Variants in IL1RAPL2 observed in about 807,000 individuals in gnomAD.
The protein encoded by IL1RAPL2 is X-linked interleukin-1 receptor accessory protein-like 2.
IL1RAPL2 carries 3 observed loss-of-function variants against 44.1 expected under a neutral mutation model. The ratio of observed to expected loss-of-function variants is 0.07; its 90% CI spans 0.03 to 0.18. The LOEUF (loss-of-function observed/expected upper bound fraction) is 0.18. Ranked by LOEUF, IL1RAPL2 falls within the 10% of genes least tolerant of loss-of-function variation. The probability of loss-of-function intolerance (pLI) is 1.00; values close to 1 mark genes in which losing one functional copy is unlikely to be tolerated. For synonymous variants in IL1RAPL2, 181 were observed against 178.8 expected (o/e 1.01, Z -0.10); for missense variants, 391 against 496.4 (o/e 0.79, Z 2.02).
intron 5 of IL1RAPL2, among the ~76,000 whole-genome samples, chrX:105,285,551 C>A (rs1313631825): frequency 2.7e-5 from 3 of 111,586 alleles, no homozygotes; most frequent in African/African-American, 9.8e-5. Context: ...AGCATACAGT[C>A]TGATTCCCCT....
intron 6 of IL1RAPL2, among the ~76,000 whole-genome samples, chrX:105,505,120 C>T (rs999073372): frequency 9.0e-6 from 1 of 111,056 alleles, no homozygotes; most frequent in Non-Finnish European, 1.9e-5. Context: ...CCCTCATGTC[C>T]ACAAATATGG....
At chrX:104,705,744 T>C (rs1048780755) in intron 2 of IL1RAPL2, among the ~76,000 whole-genome samples, 2 of 111,310 alleles carry the variant, frequency 1.8e-5, no homozygotes, top group African/African-American at 6.5e-5. Flanking sequence ...GGGAAATCTT[T>C]TTGAGTATGG....
At chrX:105,150,347 C>T (rs1260638856) in intron 2 of IL1RAPL2, among the ~76,000 whole-genome samples, 1 of 111,952 alleles carries the variant, frequency 8.9e-6, no homozygotes, top group Admixed American at 9.5e-5. Flanking sequence ...CTAGTTTCAG[C>T]TACATCTGTT....
At chrX:104,815,382 A>T (rs1921105078) in intron 2 of IL1RAPL2, among the ~76,000 whole-genome samples, 1 of 110,864 alleles carries the variant, frequency 9.0e-6, no homozygotes, top group South Asian at 3.9e-4. Context: ...CACCTTCTTG[A>T]GGGTGCCTGA....
chrX:105,354,772 T>C (rs972874539), intron 5 of IL1RAPL2, among the ~76,000 whole-genome samples: 21 of 111,749 alleles, frequency 1.9e-4, no homozygotes, highest in Admixed American at 1.8e-3. Context: ...AAGTGCTGAC[T>C]CTATTACCAT....
At chrX:105,469,766 A>G (rs1767269027) in intron 5 of IL1RAPL2, among the ~76,000 whole-genome samples, 1 of 111,207 alleles carries the variant, frequency 9.0e-6, no homozygotes, top group Admixed American at 9.6e-5. Context: ...AATCTTGGGT[A>G]GGTCACCTAA....
chrX:105,267,400 A>G lies in IL1RAPL2; in HGVS notation c.556A>G (p.Lys186Glu), dbSNP rs1338493416. 9 of 1,197,296 alleles carry G rather than the reference A, an allele frequency of 7.5e-6. No individual in the cohort carries two copies. Among genetic ancestry groups the G allele is most frequent in the Non-Finnish European group, 1.0e-5 (9 of 891,128 alleles). The change falls in exon 5 of 11, where the codon AAA becomes GAA. Residue 186 changes from lysine to glutamate, a missense_variant. Lys to Glu is a moderately conservative substitution (Grantham distance 56). Around this residue, in one of 2 missense-constraint regions of IL1RAPL2, gnomAD observed 159 missense variants for 251.7 expected, o/e 0.63. Transcript: ENST00000372582. Reference protein sequence around the residue: ...DVVWYKECKPKMWRSIIIQKG... With the variant: ...DVVWYKECKPEMWRSIIIQKG... ...ATTTTATCTGCAGGAATGCAAGCCA[A>G]AAATGTGGAGAAGCATAATAATACA...
chrX:105,559,787 T>G, intron 6 of IL1RAPL2, among the ~76,000 whole-genome samples: 1 of 111,704 alleles, frequency 9.0e-6, no homozygotes. Flanking sequence ...CACGATCTTT[T>G]TAGGTTTCAC....
At chrX:104,716,007 G>A (rs1329137702) in intron 2 of IL1RAPL2, among the ~76,000 whole-genome samples, 2 of 111,413 alleles carry the variant, frequency 1.8e-5, no homozygotes, top group Admixed American at 1.9e-4. Context: ...AGCAAAGCTA[G>A]AAGCATCACA....
intron 5 of IL1RAPL2, among the ~76,000 whole-genome samples, chrX:105,470,634 G>A (rs1244263684): frequency 1.8e-5 from 2 of 111,886 alleles, no homozygotes; most frequent in Non-Finnish European, 3.8e-5. Flanking sequence ...AGTGACTTAT[G>A]CTGAGTGTAT....
At chrX:104,758,936 C>T (rs1243763991) in intron 2 of IL1RAPL2, among the ~76,000 whole-genome samples, 2 of 111,757 alleles carry the variant, frequency 1.8e-5, no homozygotes, top group South Asian at 3.7e-4. Context: ...TGAATTTTGG[C>T]GATTTTTGAA....
At chrX:105,424,596 G>C (rs1208148701) in intron 5 of IL1RAPL2, among the ~76,000 whole-genome samples, 1 of 108,662 alleles carries the variant, frequency 9.2e-6, no homozygotes, top group African/African-American at 3.4e-5. Context: ...CTGGGGATGG[G>C]GGTACTGTGG....
At chrX:105,641,348 C>T (rs1602499329) in intron 6 of IL1RAPL2, among the ~76,000 whole-genome samples, 2 of 111,361 alleles carry the variant, frequency 1.8e-5, no homozygotes, top group East Asian at 2.8e-4. Flanking sequence ...GTAAGGGGTA[C>T]AGAGAAGAAT....
intron 2 of IL1RAPL2, among the ~76,000 whole-genome samples, chrX:104,662,037 C>A (rs1427214186): frequency 8.9e-6 from 1 of 112,215 alleles, no homozygotes; most frequent in Non-Finnish European, 1.9e-5. Context: ...ATGCACAAGA[C>A]AGAGAGAGGA....
intron 5 of IL1RAPL2, among the ~76,000 whole-genome samples, chrX:105,410,061 T>C (rs2035683628): frequency 9.0e-6 from 1 of 110,588 alleles, no homozygotes; most frequent in African/African-American, 3.3e-5. Context: ...TTAATTAAGA[T>C]AGCGGAAGAC....
At chrX:105,627,125 G>A (rs900701012) in intron 6 of IL1RAPL2, among the ~76,000 whole-genome samples, 2 of 111,715 alleles carry the variant, frequency 1.8e-5, no homozygotes, top group African/African-American at 6.5e-5. Flanking sequence ...AGCTTACATG[G>A]CCTTTGGAAA....
intron 2 of IL1RAPL2, among the ~76,000 whole-genome samples, chrX:105,051,632 C>T (rs1201110211): frequency 4.4e-5 from 5 of 112,985 alleles, no homozygotes; most frequent in East Asian, 2.8e-4. Context: ...ACGGTTTGGG[C>T]GACTGCCCCT....
intron 10 of IL1RAPL2, 38 bp from the exon 11 acceptor site, chrX:105,766,926 T>G (rs2038735629): frequency 9.7e-7 from 1 of 1,027,096 alleles, no homozygotes; most frequent in Admixed American, 2.3e-5. Flanking sequence ...ACTGGCAATG[T>G]CTTTGTTTTA....
intron 6 of IL1RAPL2, among the ~76,000 whole-genome samples, chrX:105,599,079 A>G (rs2037232440): frequency 8.9e-6 from 1 of 112,500 alleles, no homozygotes; most frequent in African/African-American, 3.2e-5. Context: ...TCAAGTCTAC[A>G]CAGGTTTATG....
Sources: gnomAD v4.1 joint callset for allele counts (sites outside exome capture counted in the v4.1 genomes callset) on GRCh38, gnomAD v4.1.1 for gene constraint, gnomAD v4.1.1 regional missense constraint, MANE v1.5 for transcripts, NCBI Gene and HGNC (gene_info 2026-07-23, HGNC 2026-07-21) for gene names.